The following ERBB4 variants were observed in gnomAD, a reference collection of about 807,000 sequenced individuals.
ERBB4 encodes receptor tyrosine-protein kinase erbB-4.
ERBB4 carries 42 observed loss-of-function variants against 158.0 expected under a neutral mutation model. The ratio of observed to expected loss-of-function variants is 0.27; its 90% CI spans 0.21 to 0.34. ERBB4 has a LOEUF of 0.34. ERBB4 is among the 10% of genes least tolerant of loss of function. ERBB4 has a pLI of 1.00. For missense variants in ERBB4, 1,333 were observed against 1,624.1 expected (o/e 0.82, Z 3.08); for synonymous variants, 583 against 558.7 (o/e 1.04, Z -0.61).
At chr2:212,054,947 G>C (rs2077509204) in intron 2 of ERBB4, among the ~76,000 whole-genome samples, 1 of 152,180 alleles carries the variant, frequency 6.6e-6, no homozygotes, top group Admixed American at 6.5e-5. Flanking sequence ...TTGTAGGACA[G>C]TGGGGGCAGG....
chr2:211,413,359 A>AT (rs561792713), intron 25 of ERBB4, among the ~76,000 whole-genome samples: 3 of 148,464 alleles, frequency 2.0e-5, no homozygotes, highest in African/African-American at 7.8e-5. Flanking sequence ...TTGATAAAAA[A>AT]AAAAATAAAA....
chr2:212,254,621 C>T (rs879149657), intron 1 of ERBB4, among the ~76,000 whole-genome samples: 7 of 152,044 alleles, frequency 4.6e-5, no homozygotes, highest in African/African-American at 1.5e-4. Flanking sequence ...CCCACGAATC[C>T]GTAATTTTGT....
At position 212,003,215 on chromosome 2, in the gene ERBB4, AGG is replaced by A. The variant is rs1491123093; in HGVS notation, c.235-55601_235-55600del. On this transcript the variant is annotated intron_variant, in intron 2 of 27. Transcript: ENST00000342788. ...AAAGAAAGAAAGAAAGACAGAAAGA[AGG>A]AAGGAAGGAAGGAAGGAAGGAAGGA... Among the ~76,000 whole-genome samples, 251 of 47,082 alleles carry A rather than the reference AGG, an allele frequency of 5.3e-3. 15 individuals carry two copies. The highest frequency in any genetic ancestry group is 8.2e-3 in the Non-Finnish European group (143 of 17,348). 30.9% of individuals were successfully genotyped at this position (47,082 alleles called of 152,430 possible). A position where few individuals can be genotyped will look rare whatever the true frequency, so the allele number is the denominator to read the frequency against.
intron 1 of ERBB4, among the ~76,000 whole-genome samples, chr2:212,213,017 T>C (rs577579573): frequency 1.3e-5 from 2 of 152,178 alleles, no homozygotes; most frequent in South Asian, 4.1e-4. Context: ...GGCAAAGACT[T>C]CATGACAAAA....
intron 2 of ERBB4, among the ~76,000 whole-genome samples, chr2:212,103,111 T>A (rs2079130247): frequency 6.6e-6 from 1 of 152,128 alleles, no homozygotes; most frequent in Non-Finnish European, 1.5e-5. Context: ...TTCTTTCTCT[T>A]CCAGAAGCTT....
At chr2:212,370,746 A>G (rs2090055479) in intron 1 of ERBB4, among the ~76,000 whole-genome samples, 1 of 152,080 alleles carries the variant, frequency 6.6e-6, no homozygotes. Context: ...TTTTTATATA[A>G]CCCTTAAACA....
At chr2:212,155,281 ATATT>A (rs1281750082) in intron 1 of ERBB4, among the ~76,000 whole-genome samples, 1 of 152,112 alleles carries the variant, frequency 6.6e-6, no homozygotes, top group Non-Finnish European at 1.5e-5. Context: ...TGTATAACAT[ATATT>A]TATTTAAATA....
Position 212,439,741 on chromosome 2 carries a change from G to T in ERBB4, c.82+98708C>A, listed in dbSNP as rs568429190. On this transcript the variant is annotated intron_variant, in intron 1 of 27. Transcript: ENST00000342788. ...TAACCAGAAACAGCCTTCTGGAGGA[G>T]GTAACATTAGAATTTATTCTAAGAA... Among the ~76,000 whole-genome samples, 20 of 152,116 alleles carry T rather than the reference G, an allele frequency of 1.3e-4. 1 individual carries two copies. In the South Asian group the frequency reaches 4.2e-3, roughly 32 times the overall value.
intron 1 of ERBB4, among the ~76,000 whole-genome samples, chr2:212,409,023 A>G (rs2091426095): frequency 6.6e-6 from 1 of 152,172 alleles, no homozygotes; most frequent in Non-Finnish European, 1.5e-5. Context: ...AGATAATACA[A>G]ATCATTTCTT....
chr2:212,377,769 A>G (rs550335134), intron 1 of ERBB4, among the ~76,000 whole-genome samples: 9 of 151,970 alleles, frequency 5.9e-5, no homozygotes, highest in Non-Finnish European at 1.3e-4. Flanking sequence ...CTTCAATAAT[A>G]TAACCTTAGC....
chr2:211,386,665 A>G (rs971767910), intron 27 of ERBB4, among the ~76,000 whole-genome samples, 188 bp downstream of exon 27: 1 of 152,200 alleles, frequency 6.6e-6, no homozygotes, highest in Non-Finnish European at 1.5e-5. Flanking sequence ...TCTGATTTAT[A>G]TAAATAATAA....
chr2:211,601,549 G>A (rs568465074), intron 19 of ERBB4, among the ~76,000 whole-genome samples: 1 of 151,730 alleles, frequency 6.6e-6, no homozygotes, highest in East Asian at 1.9e-4. Context: ...CCAGACAGGA[G>A]AAAAGATCCC....
intron 1 of ERBB4, among the ~76,000 whole-genome samples, chr2:212,434,814 A>G (rs898356419): frequency 1.3e-5 from 2 of 152,050 alleles, no homozygotes; most frequent in African/African-American, 4.8e-5. Context: ...AACTGAGAAG[A>G]GCAATGTAAA....
chr2:211,785,105 T>TA (rs1575144924), intron 4 of ERBB4, among the ~76,000 whole-genome samples: 1 of 144,354 alleles, frequency 6.9e-6, no homozygotes, highest in African/African-American at 2.5e-5. Context: ...TTTTTTTTTT[T>TA]TTTTTTTTAT....
intron 4 of ERBB4, among the ~76,000 whole-genome samples, chr2:211,785,244 G>C (rs1047546046): frequency 6.6e-6 from 1 of 152,028 alleles, no homozygotes; most frequent in African/African-American, 2.4e-5. Flanking sequence ...TGGGACTACA[G>C]GTGCCTGCCA....
At chr2:211,392,794 A>G (rs2062830792) in intron 25 of ERBB4, among the ~76,000 whole-genome samples, 1 of 151,864 alleles carries the variant, frequency 6.6e-6, no homozygotes, top group South Asian at 2.1e-4. Flanking sequence ...CAGCCTCCCG[A>G]GTAGCTGGGA....
intron 3 of ERBB4, among the ~76,000 whole-genome samples, chr2:211,869,653 G>T (rs1385930023): frequency 6.6e-6 from 1 of 151,996 alleles, no homozygotes; most frequent in Non-Finnish European, 1.5e-5. Context: ...AAAAAATAAT[G>T]CAAAAATTAA....
At chr2:212,502,029 T>C (rs1398348018) in intron 1 of ERBB4, among the ~76,000 whole-genome samples, 2 of 152,084 alleles carry the variant, frequency 1.3e-5, no homozygotes, top group South Asian at 2.1e-4. Flanking sequence ...CAAAAACAAG[T>C]AGTATAAAAA....
At chr2:212,392,265 A>G (rs2090899551) in intron 1 of ERBB4, among the ~76,000 whole-genome samples, 1 of 151,974 alleles carries the variant, frequency 6.6e-6, no homozygotes, top group Non-Finnish European at 1.5e-5. Context: ...TCATGCCTCA[A>G]TTACATGGTC....
Sources: gnomAD v4.1 joint callset for allele counts (sites outside exome capture counted in the v4.1 genomes callset) on GRCh38, gnomAD v4.1.1 for gene constraint, MANE v1.5 for transcripts, NCBI Gene and HGNC (gene_info 2026-07-23, HGNC 2026-07-21) for gene names.